Variants in TMC1 observed in about 807,000 individuals in gnomAD.
TMC1 encodes transmembrane channel-like protein 1.
TMC1 carries 84 observed loss-of-function variants against 105.8 expected under a neutral mutation model. The ratio of observed to expected loss-of-function variants is 0.79; its 90% CI spans 0.67 to 0.95. TMC1 has a LOEUF of 0.95. TMC1 is among the 40% of genes least tolerant of loss of function. TMC1 has a pLI of 0.00. For synonymous variants in TMC1, 315 were observed against 311.5 expected (o/e 1.01, Z -0.12); for missense variants, 817 against 914.1 (o/e 0.89, Z 1.37).
intron 1 of TMC1, among the ~76,000 whole-genome samples, chr9:72,557,717 C>T (rs190694208): frequency 6.6e-6 from 1 of 152,284 alleles, no homozygotes; most frequent in East Asian, 1.9e-4. Flanking sequence ...CCTCTTTGAC[C>T]TGGGATGCTG....
intron 8 of TMC1, among the ~76,000 whole-genome samples, chr9:72,711,646 T>A (rs1477906450): frequency 6.6e-6 from 1 of 152,232 alleles, no homozygotes; most frequent in East Asian, 1.9e-4. Flanking sequence ...TTGTTTAAGT[T>A]CTTTGTAGAT....
chr9:72,815,300 A>G (rs1028880576), intron 18 of TMC1, among the ~76,000 whole-genome samples: 6 of 152,152 alleles, frequency 3.9e-5, no homozygotes, highest in Admixed American at 2.6e-4. Context: ...GCTCCTCTGT[A>G]CAAAAAACAG....
chr9:72,678,985 A>C (rs1826247866), intron 5 of TMC1, among the ~76,000 whole-genome samples: 1 of 151,878 alleles, frequency 6.6e-6, no homozygotes, highest in African/African-American at 2.4e-5. Flanking sequence ...GACATTCCCA[A>C]CTCCCATCCC....
chr9:72,653,714 G>A (rs1452087692), intron 5 of TMC1, among the ~76,000 whole-genome samples: 2 of 151,940 alleles, frequency 1.3e-5, no homozygotes, highest in African/African-American at 2.4e-5. Context: ...AAAGATTTCC[G>A]CCGCCTCAAA....
chr9:72,729,548 G>A (rs989106245), intron 8 of TMC1, among the ~76,000 whole-genome samples: 3 of 151,954 alleles, frequency 2.0e-5, no homozygotes, highest in Admixed American at 1.3e-4. Flanking sequence ...GCCAGTTCAG[G>A]GAGACAACAA....
chr9:72,694,730 T>C lies in TMC1; in HGVS notation c.236+16T>C. ...AGAGAGGAGCGTAAGTTAGTTCTGA[T>C]ATTCTTTCAAAAGTTCCAATGCTGA... On this transcript the variant is annotated intron_variant, in intron 7 of 23. Transcript: ENST00000297784. The C allele has an allele frequency of 6.3e-7, 1 of 1,596,294 alleles. No individual in the cohort carries two copies. Among genetic ancestry groups the C allele is most frequent in the East Asian group, 2.3e-5 (1 of 43,836 alleles).
At chr9:72,729,781 C>A (rs1015493787) in intron 8 of TMC1, among the ~76,000 whole-genome samples, 1 of 152,178 alleles carries the variant, frequency 6.6e-6, no homozygotes, top group Admixed American at 6.5e-5. Flanking sequence ...AAACATAACA[C>A]ATTTCTTTAA....
At chr9:72,780,084 A>G (rs2118151315) in intron 13 of TMC1, among the ~76,000 whole-genome samples, 1 of 152,328 alleles carries the variant, frequency 6.6e-6, no homozygotes, top group African/African-American at 2.4e-5. Context: ...CAGTACAACC[A>G]AGAAGAGATT....
At chr9:72,708,405 G>A (rs532687558) in intron 8 of TMC1, among the ~76,000 whole-genome samples, 138 of 152,144 alleles carry the variant, frequency 9.1e-4, no homozygotes, top group African/African-American at 3.2e-3. Context: ...TAGCATGGAT[G>A]TATTTCCATT....
intron 13 of TMC1, among the ~76,000 whole-genome samples, 175 bp downstream of exon 13, chr9:72,772,730 A>G (rs1463790460): frequency 6.6e-6 from 1 of 152,200 alleles, no homozygotes; most frequent in Non-Finnish European, 1.5e-5. Flanking sequence ...TACATCTTCA[A>G]AAGAACTGAA....
At chr9:72,706,307 A>G (rs1011305946) in intron 8 of TMC1, among the ~76,000 whole-genome samples, 1 of 152,238 alleles carries the variant, frequency 6.6e-6, no homozygotes, top group Non-Finnish European at 1.5e-5. Context: ...GGAATAAAAG[A>G]TGCTATACAA....
chr9:72,671,545 G>C (rs552729475), intron 5 of TMC1, among the ~76,000 whole-genome samples: 2 of 152,152 alleles, frequency 1.3e-5, no homozygotes, highest in Non-Finnish European at 2.9e-5. Context: ...GGAATCATTG[G>C]AAAAGTCAAT....
chr9:72,820,263 G>A (rs954116861), intron 19 of TMC1, among the ~76,000 whole-genome samples: 7 of 152,160 alleles, frequency 4.6e-5, no homozygotes, highest in Non-Finnish European at 8.8e-5. Context: ...ACATCAGAAA[G>A]AGAAAATTTA....
chr9:72,560,656 G>A (rs1344094003), intron 1 of TMC1, among the ~76,000 whole-genome samples: 2 of 152,118 alleles, frequency 1.3e-5, no homozygotes, highest in Admixed American at 1.3e-4. Context: ...ATGCCACCAT[G>A]CCTGGCTAAC....
chr9:72,633,475 G>A (rs557739217), intron 4 of TMC1, among the ~76,000 whole-genome samples: 1 of 152,266 alleles, frequency 6.6e-6, no homozygotes, highest in Non-Finnish European at 1.5e-5. Flanking sequence ...ACCCATGCCT[G>A]TCAAGTCATA....
intron 8 of TMC1, among the ~76,000 whole-genome samples, chr9:72,706,947 G>A (rs1271539412): frequency 6.6e-6 from 1 of 151,812 alleles, no homozygotes; most frequent in African/African-American, 2.4e-5. Flanking sequence ...GCTAATTTTT[G>A]TATTTTTAGT....
chr9:72,713,662 T>C, intron 8 of TMC1, among the ~76,000 whole-genome samples: 1 of 152,150 alleles, frequency 6.6e-6, no homozygotes, highest in East Asian at 1.9e-4. Context: ...TTTTTCTCTC[T>C]TTTCTTCTTT....
intron 8 of TMC1, among the ~76,000 whole-genome samples, chr9:72,730,210 A>G (rs1827187684): frequency 6.6e-6 from 1 of 152,182 alleles, no homozygotes; most frequent in Non-Finnish European, 1.5e-5. Context: ...AGAAGGTTAG[A>G]GTAATAATTC....
chr9:72,651,990 A>G (rs1290210989), intron 5 of TMC1, among the ~76,000 whole-genome samples: 1 of 152,064 alleles, frequency 6.6e-6, no homozygotes, highest in Non-Finnish European at 1.5e-5. Flanking sequence ...CCCAATTGTG[A>G]GTGAGAACAT....
Sources: allele counts gnomAD v4.1 joint callset (sites outside exome capture counted in the v4.1 genomes callset), GRCh38; gene constraint gnomAD v4.1.1; transcripts MANE v1.5; gene names NCBI Gene and HGNC (gene_info 2026-07-23, HGNC 2026-07-21).